TMEM209: variants seen among roughly 807,000 people sequenced by gnomAD.
TMEM209 encodes testicular tissue protein Li 202.
TMEM209 carries 65 observed loss-of-function variants against 76.2 expected under a neutral mutation model. That is an observed-to-expected ratio of 0.85 (90% CI 0.70 to 1.05). The LOEUF (loss-of-function observed/expected upper bound fraction) is 1.05, where lower values mean the gene tolerates loss of function less well. Among genes scored for constraint, TMEM209 ranks in the 50% least tolerant of loss-of-function variants. The probability of loss-of-function intolerance (pLI) is 0.00; values close to 1 mark genes in which losing one functional copy is unlikely to be tolerated. For synonymous variants in TMEM209, 239 were observed against 237.6 expected (o/e 1.01, Z -0.06); for missense variants, 623 against 685.5 (o/e 0.91, Z 1.02).
chr7:130,182,766 A>G (rs1446239889), intron 8 of TMEM209, among the ~76,000 whole-genome samples: 2 of 152,230 alleles, frequency 1.3e-5, no homozygotes, highest in Non-Finnish European at 2.9e-5. Flanking sequence ...ATGAAATACA[A>G]TATTATAAAC....
chr7:130,179,330 C>G (rs934507822), intron 9 of TMEM209, among the ~76,000 whole-genome samples: 2 of 152,042 alleles, frequency 1.3e-5, no homozygotes, highest in Non-Finnish European at 2.9e-5. Context: ...TGCAACACCC[C>G]CTCCTCCCCT....
intron 14 of TMEM209, among the ~76,000 whole-genome samples, chr7:130,166,823 T>C (rs184764379): frequency 6.3e-4 from 96 of 152,286 alleles, no homozygotes; most frequent in African/African-American, 1.9e-3. Context: ...TCAATTGTAT[T>C]TAAAAGATGG....
chr7:130,193,753 GT>G (rs1797877513), intron 5 of TMEM209, among the ~76,000 whole-genome samples: 1 of 151,160 alleles, frequency 6.6e-6, no homozygotes, highest in South Asian at 2.1e-4. Context: ...AAATGGTGCA[GT>G]TTCATTCTGT....
At chr7:130,179,297 A>T (rs1797336920) in intron 9 of TMEM209, among the ~76,000 whole-genome samples, 1 of 152,180 alleles carries the variant, frequency 6.6e-6, no homozygotes, top group Non-Finnish European at 1.5e-5. Context: ...AACCATTCCC[A>T]GCAAGATAGC....
In TMEM209 at chr7:130,205,378, C is replaced by A. The variant is rs766409784; in HGVS notation, c.-3G>T. 1 of 1,613,928 alleles carries A rather than the reference C, an allele frequency of 6.2e-7. No homozygotes were observed. The highest frequency in any genetic ancestry group is 8.5e-7 in the Non-Finnish European group (1 of 1,179,902). The stretch of plus-strand genomic sequence containing the variant: ...ACACGACCCCGAAAACGCACCATGT[C>A]CTCTGGCCGGAAAACGCAGGCTCGC... On this transcript the variant is annotated 5_prime_UTR_variant, in exon 1 of 15. Coordinates refer to ENST00000397622, the MANE Select transcript of TMEM209 (RefSeq NM_032842.4).
intron 7 of TMEM209, among the ~76,000 whole-genome samples, chr7:130,184,836 T>C (rs775985233): frequency 6.6e-6 from 1 of 152,228 alleles, no homozygotes; most frequent in Non-Finnish European, 1.5e-5. Context: ...ATATTTGGTA[T>C]TAAAGTGACG....
At chr7:130,199,195 G>A (rs1484549256) in intron 5 of TMEM209, among the ~76,000 whole-genome samples, 4 of 151,796 alleles carry the variant, frequency 2.6e-5, no homozygotes, top group African/African-American at 9.7e-5. Flanking sequence ...ATGCTTTCCT[G>A]ATATGCCTTT....
At chr7:130,204,626 C>T (rs1173574584) in intron 1 of TMEM209, among the ~76,000 whole-genome samples, 2 of 152,208 alleles carry the variant, frequency 1.3e-5, no homozygotes, top group Non-Finnish European at 2.9e-5. Flanking sequence ...AGGCGTGAGC[C>T]ACCGCGCCCA....
chr7:130,181,773 A>G, intron 8 of TMEM209, 54 bp from the exon 9 acceptor site: 1 of 1,418,756 alleles, frequency 7.0e-7, no homozygotes, highest in African/African-American at 1.4e-5. Context: ...TAGCTGTCAA[A>G]TAATTACTTT....
intron 13 of TMEM209, among the ~76,000 whole-genome samples, chr7:130,173,419 G>A (rs1797136409): frequency 6.6e-6 from 1 of 152,134 alleles, no homozygotes; most frequent in African/African-American, 2.4e-5. Context: ...GACTGCCTCA[G>A]GTAATGGAAT....
At chr7:130,196,912 AAGATGG>A (rs1272118185) in intron 5 of TMEM209, among the ~76,000 whole-genome samples, 1 of 152,212 alleles carries the variant, frequency 6.6e-6, no homozygotes, top group African/African-American at 2.4e-5. Flanking sequence ...GTGGGAATGT[AAGATGG>A]CATAGTGGCT....
At chr7:130,185,908 T>A (rs1314638438) in intron 6 of TMEM209, among the ~76,000 whole-genome samples, 1 of 152,210 alleles carries the variant, frequency 6.6e-6, no homozygotes, top group Non-Finnish European at 1.5e-5. Context: ...TCTAAATTTA[T>A]AAATTTACTT....
chr7:130,178,356 C>T (rs1468021494), intron 10 of TMEM209, 46 bp downstream of exon 10: 1 of 1,517,178 alleles, frequency 6.6e-7, no homozygotes, highest in Admixed American at 2.1e-5. Flanking sequence ...AAAATTCCAG[C>T]ATAGTAAAAA....
intron 9 of TMEM209, among the ~76,000 whole-genome samples, chr7:130,180,621 C>T (rs1448807619): frequency 2.0e-5 from 3 of 152,018 alleles, no homozygotes; most frequent in East Asian, 1.9e-4. Context: ...CGCCCACCTC[C>T]GCCTCCCAAA....
rs769954891 is a variant in TMEM209, at chr7:130,204,004, A to G, written c.110T>C (p.Val37Ala). 1 of 1,613,706 alleles carries G rather than the reference A, an allele frequency of 6.2e-7. No individual in the cohort carries two copies. The highest frequency in any genetic ancestry group is 8.5e-7 in the Non-Finnish European group (1 of 1,179,804). Residue 37 changes from valine (V) to alanine (A), a missense_variant, in exon 2 of 15, where the codon GTA becomes GCA. By Grantham distance (64) the Val-to-Ala change is moderately conservative. Coordinates refer to ENST00000397622, the MANE Select transcript of TMEM209 (RefSeq NM_032842.4). ...AGTATATATCATTCCAGCCATAGATACATTTAGGAGTCCCCAGGCTAAGAC... is the reference window on the plus strand; with the variant it reads ...AGTATATATCATTCCAGCCATAGATGCATTTAGGAGTCCCCAGGCTAAGAC... ...KVVLAWGLLN[V>A]SMAGMIYTEM...
At chr7:130,195,788 T>A (rs1286669900) in intron 5 of TMEM209, among the ~76,000 whole-genome samples, 3 of 152,136 alleles carry the variant, frequency 2.0e-5, no homozygotes, top group Non-Finnish European at 4.4e-5. Flanking sequence ...TTCTGTAAAG[T>A]GAAATAGGTA....
At chr7:130,205,098 C>G (rs1798395532) in intron 1 of TMEM209, 2 of 1,409,416 alleles carry the variant, frequency 1.4e-6, no homozygotes, top group Admixed American at 5.8e-5. Context: ...AAAACTTGTT[C>G]CAGCGACAAG....
chr7:130,169,275 C>T (rs1157297459), intron 14 of TMEM209, among the ~76,000 whole-genome samples: 6 of 151,676 alleles, frequency 4.0e-5, no homozygotes, highest in East Asian at 3.9e-4. Flanking sequence ...TCTTTACATC[C>T]GATATATTTA....
chr7:130,180,830 G>A (rs1209283463), intron 9 of TMEM209, among the ~76,000 whole-genome samples: 1 of 152,188 alleles, frequency 6.6e-6, no homozygotes, highest in Non-Finnish European at 1.5e-5. Context: ...GCAAGGATGT[G>A]GAGAAAGCAG....
Sources: gnomAD v4.1 joint callset for allele counts (sites outside exome capture counted in the v4.1 genomes callset) on GRCh38, gnomAD v4.1.1 for gene constraint, MANE v1.5 for transcripts, NCBI Gene and HGNC (gene_info 2026-07-23, HGNC 2026-07-21) for gene names.